Variants in COL26A1 observed in about 807,000 individuals in gnomAD.
The protein encoded by COL26A1 is collagen type XXVI alpha 1 chain.
COL26A1 carries 41 observed loss-of-function variants against 59.3 expected under a neutral mutation model. The ratio of observed to expected loss-of-function variants is 0.69; its 90% confidence interval spans 0.54 to 0.90. The LOEUF is 0.90. COL26A1 is among the 40% of genes least tolerant of loss of function. The probability of loss-of-function intolerance (pLI) is 0.00; values close to 1 mark genes in which losing one functional copy is unlikely to be tolerated. For synonymous variants in COL26A1, 266 were observed against 256.0 expected (o/e 1.04, Z -0.37); for missense variants, 612 against 602.3 (o/e 1.02, Z -0.17).
At chr7:101,370,544 G>T (rs1791167403) in intron 1 of COL26A1, among the ~76,000 whole-genome samples, 1 of 151,740 alleles carries the variant, frequency 6.6e-6, no homozygotes, top group Non-Finnish European at 1.5e-5. Flanking sequence ...CTAATTTTTT[G>T]TATTTTTAGA....
intron 3 of COL26A1, among the ~76,000 whole-genome samples, chr7:101,452,590 T>C (rs1367419800): frequency 6.6e-6 from 1 of 152,150 alleles, no homozygotes; most frequent in African/African-American, 2.4e-5. Context: ...ACCTAGATGA[T>C]CTAGCCTATT....
At chr7:101,396,113 T>C (rs2130172095) in intron 1 of COL26A1, among the ~76,000 whole-genome samples, 1 of 151,952 alleles carries the variant, frequency 6.6e-6, no homozygotes, top group East Asian at 1.9e-4. Flanking sequence ...CAAAAAAACA[T>C]TAGCCAGGTG....
At chr7:101,474,114 T>C (rs1467439362) in intron 3 of COL26A1, among the ~76,000 whole-genome samples, 2 of 152,126 alleles carry the variant, frequency 1.3e-5, no homozygotes, top group Non-Finnish European at 2.9e-5. Context: ...ACTTTCCCAG[T>C]AACCCTGGGC....
intron 1 of COL26A1, among the ~76,000 whole-genome samples, chr7:101,412,961 T>G (rs189238939): frequency 6.6e-6 from 1 of 152,186 alleles, no homozygotes; most frequent in Non-Finnish European, 1.5e-5. Context: ...CGGAGAGGGG[T>G]TGACTGGTCA....
intron 12 of COL26A1, 97 bp downstream of exon 12, chr7:101,555,968 C>A: frequency 9.6e-7 from 1 of 1,041,316 alleles, no homozygotes; most frequent in South Asian, 1.5e-5. Flanking sequence ...CTCTGGTCTC[C>A]CTCCCTTGCC....
intron 3 of COL26A1, among the ~76,000 whole-genome samples, chr7:101,514,718 C>A (rs140841986): frequency 6.6e-6 from 1 of 152,178 alleles, no homozygotes; most frequent in African/African-American, 2.4e-5. Flanking sequence ...GCAGAACTGG[C>A]GGGCAGGAGA....
rs1795753739 is a variant in COL26A1, at chr7:101,547,165, C to G, written c.866C>G (p.Ser289Ter). The G allele has an allele frequency of 1.3e-6, 2 of 1,595,220 alleles. No individual in the cohort carries two copies. The highest frequency in any genetic ancestry group is 1.7e-6 in the Non-Finnish European group (2 of 1,172,514). The change falls in exon 8 of 13, where the codon TCA (serine) becomes TGA (stop). Residue 289 changes from serine to a stop codon, truncating the protein, a stop_gained. Coordinates refer to ENST00000313669, the MANE Select transcript of COL26A1 (RefSeq NM_001278563.3). LOFTEE classifies it high-confidence loss of function. Reference sequence around the variant, plus strand: ...TCCGCTCTTCCCACAGATGGAGACTCAAGGCTGGCCTCTGCCATCGTGGAC... The same window carrying G: ...TCCGCTCTTCCCACAGATGGAGACTGAAGGCTGGCCTCTGCCATCGTGGAC... ...QPPTDKDNGD[S>*]RLASAIVDTV...
chr7:101,391,711 C>T lies in COL26A1; in HGVS notation c.159-28266C>T, dbSNP rs1468297490. Among the ~76,000 whole-genome samples, 5 of 152,102 alleles carry T rather than the reference C, an allele frequency of 3.3e-5. No individual in the cohort carries two copies. The East Asian group carries it at 5.8e-4, about 18-fold the overall frequency. ...CTGGGACTACAGGCGTGTGCCACCA[C>T]GCCCGGCTAATTTTTCTATTTTTAG... On this transcript the variant is annotated intron_variant, in intron 1 of 12. Transcript: ENST00000313669.
At chr7:101,446,892 A>G (rs1793211014) in intron 2 of COL26A1, among the ~76,000 whole-genome samples, 1 of 151,852 alleles carries the variant, frequency 6.6e-6, no homozygotes, top group South Asian at 2.1e-4. Flanking sequence ...AGTAATTTAC[A>G]CAGAGCCGGC....
intron 2 of COL26A1, among the ~76,000 whole-genome samples, chr7:101,438,709 G>C (rs1323600242): frequency 6.6e-6 from 1 of 151,126 alleles, no homozygotes; most frequent in Admixed American, 6.6e-5. Context: ...TCAATCTTGC[G>C]GTCCAGGCTG....
chr7:101,473,876 A>G (rs870966), intron 3 of COL26A1, among the ~76,000 whole-genome samples: 70,177 of 151,356 alleles, frequency 0.46, 16,454 homozygotes, highest in Middle Eastern at 0.51. Flanking sequence ...AAGATATTTC[A>G]AGCAAGCTAT....
intron 1 of COL26A1, among the ~76,000 whole-genome samples, chr7:101,413,482 G>A (rs548988555): frequency 1.3e-4 from 19 of 151,692 alleles, no homozygotes; most frequent in Non-Finnish European, 1.9e-4. Flanking sequence ...TCATGCCATC[G>A]CACTCCAGCC....
chr7:101,459,426 A>G (rs887987983), intron 3 of COL26A1, among the ~76,000 whole-genome samples: 13 of 149,840 alleles, frequency 8.7e-5, no homozygotes, highest in Non-Finnish European at 1.2e-4. Context: ...CAGCCTCCTG[A>G]GTAGCTGGAA....
chr7:101,528,223 G>A (rs1035086886), intron 3 of COL26A1, among the ~76,000 whole-genome samples: 1 of 152,150 alleles, frequency 6.6e-6, no homozygotes. Flanking sequence ...CCCAGGCCCA[G>A]CATAATTTCC....
chr7:101,393,006 GTTT>G (rs11350670), intron 1 of COL26A1, among the ~76,000 whole-genome samples: 3 of 129,314 alleles, frequency 2.3e-5, no homozygotes, highest in Non-Finnish European at 3.4e-5. Flanking sequence ...ATGTTTTTTT[GTTT>G]TTTTTTTTTT....
intron 3 of COL26A1, among the ~76,000 whole-genome samples, chr7:101,485,967 G>A (rs1203806034): frequency 3.9e-5 from 6 of 152,124 alleles, no homozygotes; most frequent in African/African-American, 1.4e-4. Flanking sequence ...GAGGTCAGAA[G>A]TTTGAGACCA....
chr7:101,501,785 T>G (rs1794711605), intron 3 of COL26A1, among the ~76,000 whole-genome samples: 1 of 152,202 alleles, frequency 6.6e-6, no homozygotes, highest in Non-Finnish European at 1.5e-5. Context: ...ATGGGCTGTG[T>G]GTGTACATGA....
intron 1 of COL26A1, among the ~76,000 whole-genome samples, chr7:101,381,584 G>T (rs1445935623): frequency 6.6e-6 from 1 of 152,184 alleles, no homozygotes; most frequent in Admixed American, 6.6e-5. Flanking sequence ...TTTTATGGTG[G>T]AAGGGCAAAG....
rs1331095874 is a variant in COL26A1 at position 101,364,268 on chromosome 7, A to G, written c.158+1078A>G. Among the ~76,000 whole-genome samples the G allele has an allele frequency of 2.6e-5, 4 of 152,332 alleles. No homozygotes were observed. In the East Asian group the frequency reaches 7.7e-4, roughly 29 times the overall value. ...GCTTTTCTCATTTAGTGATAACTAC[A>G]ACCTACACAGCTATGACAGCGCTCT... On this transcript the variant is annotated intron_variant, in intron 1 of 12. Transcript: ENST00000313669.
Sources: gnomAD v4.1 joint callset for allele counts (sites outside exome capture counted in the v4.1 genomes callset) on GRCh38, gnomAD v4.1.1 for gene constraint, MANE v1.5 for transcripts, NCBI Gene and HGNC (gene_info 2026-07-23, HGNC 2026-07-21) for gene names.